Variants in THRB observed in about 807,000 individuals in gnomAD.
THRB encodes the protein nuclear receptor subfamily 1 group A member 2.
In THRB, 12 loss-of-function variants were observed where a neutral mutation model predicts 47.8. The observed-to-expected ratio is 0.25, with a 90% CI of 0.16 to 0.41. THRB has a LOEUF of 0.41. Among genes scored for constraint, THRB ranks in the 10% least tolerant of loss-of-function variants. The pLI is 1.00. For synonymous variants in THRB, 218 were observed against 212.2 expected (o/e 1.03, Z -0.24); for missense variants, 348 against 589.2 (o/e 0.59, Z 4.24).
intron 1 of THRB, among the ~76,000 whole-genome samples, chr3:24,410,099 C>T (rs956819676): frequency 6.6e-6 from 1 of 151,850 alleles, no homozygotes; most frequent in African/African-American, 2.4e-5. Context: ...ACTACCAACA[C>T]TGCTGGTAAA....
chr3:24,238,298 G>T (rs944496712), intron 3 of THRB, among the ~76,000 whole-genome samples: 25 of 114,248 alleles, frequency 2.2e-4, no homozygotes, highest in South Asian at 1.2e-3. Flanking sequence ...GGGGGTGTGT[G>T]GGGTGTGTGT....
chr3:24,328,089 C>G (rs1411289126), intron 2 of THRB, among the ~76,000 whole-genome samples: 2 of 152,106 alleles, frequency 1.3e-5, no homozygotes, highest in East Asian at 3.9e-4. Context: ...ATTAAAGCAG[C>G]CTCACTATTG....
chr3:24,285,839 G>C (rs949379138), intron 3 of THRB, among the ~76,000 whole-genome samples: 1 of 152,128 alleles, frequency 6.6e-6, no homozygotes, highest in African/African-American at 2.4e-5. Context: ...ATGTTCACTT[G>C]GAGGGTTATG....
chr3:24,133,222 T>C (rs2034137595), intron 9 of THRB, 94 bp downstream of exon 9: 2 of 1,409,724 alleles, frequency 1.4e-6, no homozygotes, highest in Middle Eastern at 1.8e-4. Flanking sequence ...AAGTCCCTAC[T>C]AATTAACATT....
chr3:24,299,276 A>G (rs1482401354), intron 2 of THRB, among the ~76,000 whole-genome samples: 1 of 150,398 alleles, frequency 6.6e-6, no homozygotes, highest in Admixed American at 6.6e-5. Flanking sequence ...AAAAAAAAGA[A>G]AAGTAATTCA....
chr3:24,278,831 A>G lies in THRB; in HGVS notation c.-43+18395T>C, dbSNP rs963696667. Among the ~76,000 whole-genome samples, 8 of 152,078 alleles carry G rather than the reference A, an allele frequency of 5.3e-5. No individual in the cohort carries two copies. In the East Asian group the frequency reaches 1.3e-3, roughly 26 times the overall value. On this transcript the variant is annotated intron_variant, in intron 3 of 10. Transcript: ENST00000646209. ...TATGCACCATTCATTCCTTACATTT[A>G]TATTACATTTATTTATTTATTATTT...
intron 2 of THRB, among the ~76,000 whole-genome samples, chr3:24,302,815 A>AT (rs1373732511): frequency 2.6e-5 from 4 of 152,240 alleles, no homozygotes; most frequent in African/African-American, 4.8e-5. Flanking sequence ...GCAGAAAATG[A>AT]TTTTTTTCTT....
At chr3:24,464,575 G>A (rs1251085078) in intron 1 of THRB, among the ~76,000 whole-genome samples, 1 of 152,070 alleles carries the variant, frequency 6.6e-6, no homozygotes, top group Non-Finnish European at 1.5e-5. Flanking sequence ...CAATCTGGAG[G>A]TCTTTCTTTT....
chr3:24,457,420 A>C (rs937610709), intron 1 of THRB, among the ~76,000 whole-genome samples: 1 of 152,210 alleles, frequency 6.6e-6, no homozygotes, highest in East Asian at 1.9e-4. Flanking sequence ...TAAAAGATGA[A>C]TGAGAAAATA....
At chr3:24,310,741 G>C (rs1420578525) in intron 2 of THRB, among the ~76,000 whole-genome samples, 1 of 152,132 alleles carries the variant, frequency 6.6e-6, no homozygotes, top group African/African-American at 2.4e-5. Flanking sequence ...TGGGTATGGG[G>C]TTTCTCTATT....
chr3:24,216,191 G>A (rs1575979666), intron 4 of THRB, among the ~76,000 whole-genome samples: 1 of 152,206 alleles, frequency 6.6e-6, no homozygotes, highest in Non-Finnish European at 1.5e-5. Context: ...ATGCACTGCT[G>A]CAGGGCCACA....
chr3:24,348,024 G>A (rs1320583553), intron 1 of THRB, among the ~76,000 whole-genome samples: 2 of 151,896 alleles, frequency 1.3e-5, no homozygotes, highest in Admixed American at 6.6e-5. Context: ...ACAGTATAAG[G>A]GTATTATAAG....
intron 3 of THRB, among the ~76,000 whole-genome samples, chr3:24,255,383 C>T (rs567223808): frequency 6.6e-6 from 1 of 152,262 alleles, no homozygotes; most frequent in African/African-American, 2.4e-5. Flanking sequence ...TACAATACAA[C>T]ACATATACAA....
chr3:24,383,773 G>C (rs984177863), intron 1 of THRB, among the ~76,000 whole-genome samples: 4 of 152,104 alleles, frequency 2.6e-5, no homozygotes, highest in African/African-American at 9.7e-5. Context: ...AAAGGTGTTA[G>C]AAAATTTCCC....
At chr3:24,424,322 G>A (rs2069552584) in intron 1 of THRB, among the ~76,000 whole-genome samples, 1 of 151,950 alleles carries the variant, frequency 6.6e-6, no homozygotes, top group African/African-American at 2.4e-5. Context: ...TTGAAAGAGT[G>A]TGGGCTTTGA....
chr3:24,384,595 C>T (rs2065951527), intron 1 of THRB, among the ~76,000 whole-genome samples: 1 of 152,064 alleles, frequency 6.6e-6, no homozygotes, highest in Non-Finnish European at 1.5e-5. Flanking sequence ...ATAATTTCCA[C>T]CCTTAGTATA....
chr3:24,348,750 T>G (rs1235472714), intron 1 of THRB: 1 of 152,108 alleles, frequency 6.6e-6, no homozygotes, highest in Non-Finnish European at 1.5e-5. Flanking sequence ...AAGAAAACGC[T>G]CTCAATTTGA....
Position 24,122,029 on chromosome 3 carries a change from C to T in THRB, c.*855G>A, listed in dbSNP as rs1289718082. ...TTGGGAGATGACAGATCAGATGCCA[C>T]AGAAAAGGGGTGCCACCCTGTAAAT... On this transcript the variant is annotated 3_prime_UTR_variant, in exon 11 of 11. Transcript: ENST00000646209. 1.3e-5 allele frequency: 2 copies of T among 152,624 alleles called. No individual in the cohort carries two copies. Among genetic ancestry groups the T allele is most frequent in the African/African-American group, 2.4e-5 (1 of 41,428 alleles). 9.5% of individuals were successfully genotyped at this position (152,624 alleles called of 1,614,324 possible).
intron 1 of THRB, among the ~76,000 whole-genome samples, chr3:24,399,623 T>C (rs2067244146): frequency 6.6e-6 from 1 of 152,102 alleles, no homozygotes; most frequent in Admixed American, 6.6e-5. Context: ...GTAACCCTCA[T>C]ACGATCTTCT....
Sources: gnomAD v4.1 joint callset for allele counts (sites outside exome capture counted in the v4.1 genomes callset) on GRCh38, gnomAD v4.1.1 for gene constraint, MANE v1.5 for transcripts, NCBI Gene and HGNC (gene_info 2026-07-23, HGNC 2026-07-21) for gene names.